Variants in HAGH observed in about 807,000 individuals in gnomAD.
The protein encoded by HAGH is hydroxyacylglutathione hydrolase.
In HAGH, 29 loss-of-function variants were observed where a neutral mutation model predicts 35.1. The ratio of observed to expected loss-of-function variants is 0.83; its 90% confidence interval spans 0.62 to 1.13. The LOEUF is 1.13. Among genes scored for constraint, HAGH ranks in the 50% most tolerant of loss-of-function variants. The pLI, the probability that HAGH is intolerant of heterozygous loss-of-function variation, is 0.00. For synonymous variants in HAGH, 225 were observed against 176.1 expected (o/e 1.28, Z -2.20); for missense variants, 478 against 419.6 (o/e 1.14, Z -1.22).
chr16:1,820,326 C>T (rs934556279), intron 3 of HAGH, among the ~76,000 whole-genome samples: 5 of 151,446 alleles, frequency 3.3e-5, no homozygotes, highest in Admixed American at 3.3e-4. Flanking sequence ...ATTTCTTGTC[C>T]TGGTGCAGTG....
In HAGH at chr16:1,826,799, G is replaced by A. The variant is rs1238083615; in HGVS notation, c.-12C>T. On this transcript the variant is annotated 5_prime_UTR_variant, in exon 1 of 9. Coordinates refer to ENST00000397356, the MANE Select transcript of HAGH (RefSeq NM_005326.6). ...CGGCCCACCACCATGACCCGGGCCG[G>A]GCTGGACTGCCGAGCTGCCCAGGAC... The A allele has an allele frequency of 6.6e-6, 8 of 1,220,876 alleles. No homozygotes were observed. The highest frequency in any genetic ancestry group is 8.2e-6 in the Non-Finnish European group (8 of 978,782). 75.6% of individuals were successfully genotyped at this position (1,220,876 alleles called of 1,614,324 possible).
rs2142023879 is a variant in HAGH, at chr16:1,809,777, G to A, written c.804C>T (p.Thr268=). ...ACCTCACTCTCATGAAGGGGTTGTA[G>A]GTAAACTCCTCTGCCAGGGTGGATG... ...TVPSTLAEEF[T]YNPFMRVREK... The change falls in exon 8 of 9, where the codon ACC becomes ACT. Residue 268 remains threonine (T), a synonymous_variant. Transcript: ENST00000397356. 1.2e-6 allele frequency: 2 copies of A among 1,613,678 alleles called. No individual in the cohort carries two copies. The highest frequency in any genetic ancestry group is 1.7e-6 in the Non-Finnish European group (2 of 1,179,558).
chr16:1,819,707 A>G, intron 4 of HAGH, 190 bp downstream of exon 4: 1 of 620,212 alleles, frequency 1.6e-6, no homozygotes, highest in East Asian at 2.7e-5. Context: ...ACAGCCCCGC[A>G]CACAGCCGCG....
intron 1 of HAGH, among the ~76,000 whole-genome samples, chr16:1,824,430 A>G (rs1420613835): frequency 6.6e-6 from 1 of 152,202 alleles, no homozygotes; most frequent in Non-Finnish European, 1.5e-5. Context: ...GTGGGTGACC[A>G]AGGGACAAAA....
chr16:1,823,474 A>G (rs1259124656), intron 1 of HAGH, among the ~76,000 whole-genome samples: 2 of 151,796 alleles, frequency 1.3e-5, no homozygotes, highest in East Asian at 1.9e-4. Flanking sequence ...TCATGGTGTT[A>G]GCCAGGATGG....
At chr16:1,811,283 G>A (rs1261493637) in intron 7 of HAGH, among the ~76,000 whole-genome samples, 6 of 151,984 alleles carry the variant, frequency 3.9e-5, no homozygotes, top group Non-Finnish European at 5.9e-5. Flanking sequence ...GTGTGGTGGC[G>A]GGTGCCTGTA....
intron 7 of HAGH, among the ~76,000 whole-genome samples, chr16:1,814,613 A>T (rs1897805332): frequency 6.6e-6 from 1 of 152,128 alleles, no homozygotes; most frequent in South Asian, 2.1e-4. Flanking sequence ...TTAAATATAT[A>T]TCTCAGCTGG....
At chr16:1,811,912 G>A (rs148662368) in intron 7 of HAGH, among the ~76,000 whole-genome samples, 116 of 152,034 alleles carry the variant, frequency 7.6e-4, no homozygotes, top group Middle Eastern at 6.9e-3. Flanking sequence ...GAATGAGGCC[G>A]GGTGTGGTTG....
At position 1,819,031 on chromosome 16, in the gene HAGH, C is replaced by T. The variant is rs147260703; in HGVS notation, c.541+84G>A. On this transcript the variant is annotated intron_variant, in intron 5 of 8. Transcript: ENST00000397356. ...CACACCGGTGCAACAGAGAAGGCCACGAAGCTGCCCCGTGAGCCTGCCTGG... is the reference window on the plus strand; with the variant it reads ...CACACCGGTGCAACAGAGAAGGCCATGAAGCTGCCCCGTGAGCCTGCCTGG... 1.6e-3 allele frequency: 1,401 copies of T among 853,982 alleles called. 9 individuals are homozygous for T. In the African/African-American group the frequency reaches 0.021, roughly 13 times the overall value. The allele number at this position is 853,982 out of a possible 1,614,324, so 52.9% of individuals were successfully genotyped here.
At chr16:1,827,170 C>G, upstream of HAGH, 2 of 1,544,198 alleles carry the variant, frequency 1.3e-6, no homozygotes, top group Middle Eastern at 3.6e-4. Context: ...AGTTGGTCCT[C>G]TCCGGGATGC....
chr16:1,811,504 G>A (rs2142027101), intron 7 of HAGH, among the ~76,000 whole-genome samples: 1 of 151,926 alleles, frequency 6.6e-6, no homozygotes, highest in Admixed American at 6.6e-5. Context: ...CCTGAGGTCA[G>A]GAGTTTGAGA....
At chr16:1,811,691 G>A (rs1897655717) in intron 7 of HAGH, among the ~76,000 whole-genome samples, 1 of 152,058 alleles carries the variant, frequency 6.6e-6, no homozygotes, top group Admixed American at 6.6e-5. Flanking sequence ...ACTCCAGCTT[G>A]GGTGACAGAG....
chr16:1,823,764 A>G (rs1898265792), intron 1 of HAGH, among the ~76,000 whole-genome samples: 4 of 146,108 alleles, frequency 2.7e-5, no homozygotes, highest in Non-Finnish European at 6.1e-5. Flanking sequence ...AAAAAAAAAA[A>G]AAAAAAAAAG....
At chr16:1,812,987 GT>G (rs1244206255) in intron 7 of HAGH, among the ~76,000 whole-genome samples, 3 of 152,206 alleles carry the variant, frequency 2.0e-5, no homozygotes, top group African/African-American at 7.2e-5. Context: ...GAGTTTGGCA[GT>G]TTCTTTAAAA....
chr16:1,821,154 C>T (rs1208829145), intron 3 of HAGH, among the ~76,000 whole-genome samples: 1 of 152,130 alleles, frequency 6.6e-6, no homozygotes, highest in Non-Finnish European at 1.5e-5. Context: ...AGGACAAGGG[C>T]CAGGGAGGCT....
intron 7 of HAGH, among the ~76,000 whole-genome samples, chr16:1,816,000 G>A (rs1437234092): frequency 7.4e-6 from 1 of 134,604 alleles, no homozygotes; most frequent in African/African-American, 2.9e-5. Context: ...GAGCGCAGTG[G>A]AGCGATCTTG....
intron 7 of HAGH, among the ~76,000 whole-genome samples, chr16:1,816,214 T>TAA (rs796466016): frequency 0.061 from 8,157 of 133,994 alleles, 253 homozygotes; most frequent in East Asian, 0.12. Flanking sequence ...AAAAAAAAAT[T>TAA]AAAAAAAAAA....
intron 5 of HAGH, among the ~76,000 whole-genome samples, chr16:1,817,623 C>T (rs1897964495): frequency 6.6e-6 from 1 of 152,238 alleles, no homozygotes; most frequent in African/African-American, 2.4e-5. Flanking sequence ...TCCCATCTTC[C>T]CTTGGCCCCA....
chr16:1,817,232 T>A lies in HAGH; in HGVS notation c.581A>T (p.Glu194Val), dbSNP rs1364557052. The A allele has an allele frequency of 8.1e-6, 13 of 1,613,508 alleles. No homozygotes were observed. The highest frequency in any genetic ancestry group is 1.1e-5 in the Non-Finnish European group (13 of 1,179,508). The change falls in exon 6 of 9, where the codon GAA (glutamate) becomes GTA (valine). Residue 194 changes from glutamate to valine, a missense_variant. Glu to Val is a moderately radical substitution (Grantham distance 121, BLOSUM62 -2). Coordinates refer to ENST00000397356, the MANE Select transcript of HAGH (RefSeq NM_005326.6). ...LFVAGCGKFY[E>V]GTADEMCKAL... ...TTTACACATCTCATCCGCAGTCCCT[T>A]CATAGAACTTCCCGCAGCCAGCCAC... is the stretch of plus-strand genomic sequence containing the variant.
Sources: gnomAD v4.1 joint callset for allele counts (sites outside exome capture counted in the v4.1 genomes callset) on GRCh38, gnomAD v4.1.1 for gene constraint, MANE v1.5 for transcripts, NCBI Gene and HGNC (gene_info 2026-07-23, HGNC 2026-07-21) for gene names.